The following AIM2 variants were observed in gnomAD, a reference collection of about 807,000 sequenced individuals.
The protein encoded by AIM2 is interferon-inducible protein AIM2.
In AIM2, 30 loss-of-function variants were observed where a neutral mutation model predicts 27.7. The ratio of observed to expected loss-of-function variants is 1.08; its 90% CI spans 0.81 to 1.47. The LOEUF is 1.47. AIM2 is among the 40% of genes most tolerant of loss of function. The probability of loss-of-function intolerance (pLI) is 0.00; values close to 1 mark genes in which losing one functional copy is unlikely to be tolerated. For missense variants in AIM2, 358 were observed against 411.3 expected (o/e 0.87, Z 1.12); for synonymous variants, 141 against 145.3 (o/e 0.97, Z 0.21).
chr1:159,145,996 C>T (rs531372108), intron 1 of AIM2, among the ~76,000 whole-genome samples: 13 of 151,922 alleles, frequency 8.6e-5, no homozygotes, highest in Non-Finnish European at 1.6e-4. Flanking sequence ...GTCCCAGCTA[C>T]TCGGGAGGCT....
At chr1:159,082,033 CT>C (rs893878291) in intron 1 of AIM2, among the ~76,000 whole-genome samples, 12 of 152,058 alleles carry the variant, frequency 7.9e-5, no homozygotes, top group Non-Finnish European at 1.5e-4. Flanking sequence ...TTAGGTCTTT[CT>C]TTTTTTCTAG....
At chr1:159,078,727 A>C (rs928418988), upstream of AIM2, among the ~76,000 whole-genome samples, 2 of 152,300 alleles carry the variant, frequency 1.3e-5, no homozygotes, top group East Asian at 3.9e-4. Flanking sequence ...AAAGGAGGCA[A>C]CTGTGCTGAA....
intron 1 of AIM2, among the ~76,000 whole-genome samples, chr1:159,130,080 A>C (rs1198498308): frequency 6.6e-6 from 1 of 152,218 alleles, no homozygotes; most frequent in African/African-American, 2.4e-5. Context: ...AACATTTGAC[A>C]CTATGGCTCG....
In AIM2 at chr1:159,109,602, C is replaced by A. The variant is rs180788986; in HGVS notation, c.-16+30829G>T. 4.6e-5 allele frequency among the ~76,000 whole-genome samples: 7 copies of A among 152,224 alleles called. No individual in the cohort carries two copies. In the East Asian group the frequency reaches 1.4e-3, roughly 29 times the overall value. ...AAGGGCTTTTGCACAGCAAAAGGAA[C>A]AGTCAGCAGAGTAAATAGACAACCC... On this transcript the variant is annotated intron_variant, in intron 1 of 2. Coordinates refer to the AIM2 transcript ENST00000368129.
chr1:159,107,931 A>T (rs1238994773), intron 1 of AIM2, among the ~76,000 whole-genome samples: 4 of 152,306 alleles, frequency 2.6e-5, no homozygotes, highest in South Asian at 2.1e-4. Flanking sequence ...CAACAAAAAA[A>T]GTCCAGGACC....
rs557498711 is a variant in AIM2, at chr1:159,146,554, C to T, written n.87+456G>A. On this transcript the variant is annotated intron_variant and non_coding_transcript_variant, in intron 1 of 6. Coordinates refer to the AIM2 transcript ENST00000411768. ...ATTTCTGTCCATTTCACTTTCCCCA[C>T]TTTCTGCAACTGGCATTCCCTAATA... Among the ~76,000 whole-genome samples the T allele has an allele frequency of 3.9e-5, 6 of 152,302 alleles. No homozygotes were observed. The South Asian group carries it at 1.2e-3, about 32-fold the overall frequency.
At chr1:159,065,441 G>C (rs748143544) in intron 4 of AIM2, among the ~76,000 whole-genome samples, 17 of 151,960 alleles carry the variant, frequency 1.1e-4, no homozygotes, top group Admixed American at 2.0e-4. Flanking sequence ...GTCTCCTCAG[G>C]CTAACTCTTT....
chr1:159,143,336 G>A (rs906803305), upstream of AIM2, among the ~76,000 whole-genome samples: 13 of 152,122 alleles, frequency 8.5e-5, no homozygotes, highest in Non-Finnish European at 1.8e-4. Context: ...AGAGATGGGA[G>A]CTCAGAAAAA....
intron 1 of AIM2, among the ~76,000 whole-genome samples, chr1:159,123,334 C>T (rs73023757): frequency 0.033 from 4,994 of 152,268 alleles, 204 homozygotes; most frequent in East Asian, 0.12. Context: ...GCCAAGAGAC[C>T]TTAACTCATA....
chr1:159,081,070 C>A (rs535751720), upstream of AIM2: 3 of 196,838 alleles, frequency 1.5e-5, no homozygotes, highest in Non-Finnish European at 3.6e-5. Flanking sequence ...GATTTTTATA[C>A]TCATAATGAT....
chr1:159,064,495 C>T (rs373129032), intron 4 of AIM2, among the ~76,000 whole-genome samples: 33 of 152,162 alleles, frequency 2.2e-4, no homozygotes, highest in East Asian at 1.5e-3. Context: ...AATGGAGTTT[C>T]GCTCTTTCAC....
chr1:159,109,182 C>G (rs1355866422), intron 1 of AIM2, among the ~76,000 whole-genome samples: 1 of 151,994 alleles, frequency 6.6e-6, no homozygotes, highest in Non-Finnish European at 1.5e-5. Flanking sequence ...CATACCAGTA[C>G]AGCATACTCT....
chr1:159,118,059 A>G (rs552493788), intron 1 of AIM2, among the ~76,000 whole-genome samples: 5 of 152,274 alleles, frequency 3.3e-5, no homozygotes, highest in African/African-American at 1.2e-4. Context: ...TACAGCCTCA[A>G]TGCCTTTATT....
chr1:159,104,030 C>G (rs956950153), intron 1 of AIM2, among the ~76,000 whole-genome samples: 5 of 151,916 alleles, frequency 3.3e-5, no homozygotes. Flanking sequence ...GAAAAACCTA[C>G]ACTTTTTTTA....
downstream of AIM2, among the ~76,000 whole-genome samples, chr1:159,060,759 T>A (rs750588625): frequency 6.6e-6 from 1 of 152,242 alleles, no homozygotes; most frequent in Non-Finnish European, 1.5e-5. Flanking sequence ...TTCAATTATG[T>A]GGATCTACCA....
At chr1:159,111,015 C>G (rs1657562138) in intron 1 of AIM2, among the ~76,000 whole-genome samples, 2 of 152,110 alleles carry the variant, frequency 1.3e-5, no homozygotes, top group South Asian at 4.2e-4. Context: ...GCTCTAATAA[C>G]AACGCTTATT....
At chr1:159,140,671 G>T (rs2102058980), upstream of AIM2, among the ~76,000 whole-genome samples, 1 of 152,278 alleles carries the variant, frequency 6.6e-6, no homozygotes, top group African/African-American at 2.4e-5. Context: ...GCTAGAGGTA[G>T]CAATATGCAA....
At chr1:159,145,113 G>T (rs914418956), upstream of AIM2, among the ~76,000 whole-genome samples, 1 of 152,250 alleles carries the variant, frequency 6.6e-6, no homozygotes, top group African/African-American at 2.4e-5. Flanking sequence ...GCTAGCCCAG[G>T]TCTTTCCTCC....
downstream of AIM2, among the ~76,000 whole-genome samples, chr1:159,059,990 A>G (rs1655779445): frequency 6.6e-6 from 1 of 152,186 alleles, no homozygotes; most frequent in African/African-American, 2.4e-5. Context: ...AGGATAGAAC[A>G]ACTCACAGAG....
Sources: gnomAD v4.1 joint callset for allele counts (sites outside exome capture counted in the v4.1 genomes callset) on GRCh38, gnomAD v4.1.1 for gene constraint, MANE v1.5 for transcripts, NCBI Gene and HGNC (gene_info 2026-07-23, HGNC 2026-07-21) for gene names.